SEC24A: variants seen among roughly 807,000 people sequenced by gnomAD.
SEC24A encodes the protein SEC24 homolog A, COPII component.
In SEC24A, 93 loss-of-function variants were observed where a neutral mutation model predicts 129.4. That is an observed-to-expected ratio of 0.72 (90% CI 0.61 to 0.85). The LOEUF is 0.85. Among genes scored for constraint, SEC24A ranks in the 40% least tolerant of loss-of-function variants. SEC24A has a pLI of 0.00. For missense variants in SEC24A, 1,264 were observed against 1,307.4 expected (o/e 0.97, Z 0.51); for synonymous variants, 460 against 467.3 (o/e 0.98, Z 0.20).
chr5:134,674,914 C>A, intron 5 of SEC24A, 131 bp from the exon 6 acceptor site: 1 of 1,128,322 alleles, frequency 8.9e-7, no homozygotes, highest in Non-Finnish European at 1.2e-6. Context: ...AAGCCTTTGT[C>A]TTTATACATT....
Position 134,697,142 on chromosome 5 carries a change from C to T in SEC24A, c.2003C>T (p.Pro668Leu), listed in dbSNP as rs755243043. 5.9e-6 allele frequency: 9 copies of T among 1,532,478 alleles called. 1 individual carries two copies. In the South Asian group the frequency reaches 7.1e-5, roughly 12 times the overall value. The allele number at this position is 1,532,478 out of a possible 1,614,324, so 94.9% of individuals were successfully genotyped here. A position where few individuals can be genotyped will look rare whatever the true frequency, so the allele number is the denominator to read the frequency against. The change falls in exon 14 of 23, where the codon CCA becomes CTA. Residue 668 changes from proline (P) to leucine (L), a missense_variant. Coordinates refer to ENST00000398844, the MANE Select transcript of SEC24A (RefSeq NM_021982.3). ...RSSAKDIHMT[P>L]STDFYKKLAL... The stretch of plus-strand genomic sequence containing the variant: ...TATAAATAGGATATACACATGACAC[C>T]ATCCACTGACTTCTATAAGAAATTA...
intron 18 of SEC24A, among the ~76,000 whole-genome samples, chr5:134,710,732 A>G (rs1752303814): frequency 6.6e-6 from 1 of 152,180 alleles, no homozygotes; most frequent in South Asian, 2.1e-4. Context: ...TTCCTCCCAG[A>G]AAAGAAGGAA....
intron 21 of SEC24A, among the ~76,000 whole-genome samples, chr5:134,722,743 A>C (rs1201742301): frequency 6.6e-6 from 1 of 152,206 alleles, no homozygotes; most frequent in African/African-American, 2.4e-5. Flanking sequence ...GTCAAGTTGC[A>C]CTGGCATCAC....
At chr5:134,723,187 C>T (rs1456588645) in intron 21 of SEC24A, among the ~76,000 whole-genome samples, 3 of 151,846 alleles carry the variant, frequency 2.0e-5, no homozygotes, top group Non-Finnish European at 4.4e-5. Context: ...AGAAGTAGAC[C>T]GGGCACTGTG....
At chr5:134,716,248 G>T (rs1328083261) in intron 19 of SEC24A, among the ~76,000 whole-genome samples, 9 of 151,786 alleles carry the variant, frequency 5.9e-5, no homozygotes, top group Non-Finnish European at 8.8e-5. Context: ...GGATCAGGAG[G>T]TCCAGAGTTC....
At chr5:134,648,763 G>C (rs1433256042), upstream of SEC24A, 1 of 213,576 alleles carries the variant, frequency 4.7e-6, no homozygotes, top group Admixed American at 5.9e-5. Context: ...GATTGCGGCT[G>C]CGCGGCCGGC....
At chr5:134,685,963 TG>T (rs1751436477) in intron 9 of SEC24A, among the ~76,000 whole-genome samples, 1 of 151,970 alleles carries the variant, frequency 6.6e-6, no homozygotes, top group East Asian at 1.9e-4. Flanking sequence ...CTCTCCAGCA[TG>T]GGGGACACAG....
At chr5:134,686,239 CT>C (rs796933781) in intron 9 of SEC24A, among the ~76,000 whole-genome samples, 217 of 144,390 alleles carry the variant, frequency 1.5e-3, no homozygotes, top group East Asian at 1.6e-3. Flanking sequence ...AGAATCCCTT[CT>C]TTTTTTTTTT....
In SEC24A at chr5:134,707,259, T is replaced by C. The variant is rs78517265; in HGVS notation, c.2552-1454T>C. On this transcript the variant is annotated intron_variant, in intron 17 of 22. Transcript: ENST00000398844. Reference sequence around the variant, plus strand: ...CCTGGTAAAGGATTTACCCACACTTTAGTCTTTTATGTTGTTAGATGTTCA... The same window carrying C: ...CCTGGTAAAGGATTTACCCACACTTCAGTCTTTTATGTTGTTAGATGTTCA... Among the ~76,000 whole-genome samples, 650 of 152,290 alleles carry C rather than the reference T, an allele frequency of 4.3e-3. 4 individuals are homozygous for C. The highest frequency in any genetic ancestry group is 0.015 in the African/African-American group (626 of 41,578).
At chr5:134,685,494 A>G (rs183561199) in intron 9 of SEC24A, among the ~76,000 whole-genome samples, 1 of 152,314 alleles carries the variant, frequency 6.6e-6, no homozygotes, top group East Asian at 1.9e-4. Context: ...GGATGTGCAT[A>G]GGTTATATGC....
At chr5:134,724,474 G>A (rs1480160360) in intron 22 of SEC24A, among the ~76,000 whole-genome samples, 1 of 152,044 alleles carries the variant, frequency 6.6e-6, no homozygotes, top group Admixed American at 6.6e-5. Flanking sequence ...TGTAATCCCA[G>A]CTACTCGGGA....
In SEC24A at chr5:134,714,974, G is replaced by A. The variant is rs755783939; in HGVS notation, c.2728-50G>A. On this transcript the variant is annotated intron_variant, in intron 18 of 22. Transcript: ENST00000398844. Reference sequence around the variant, plus strand: ...AACTGGCATTTTAAAAGTTCTGGATGTATTTTTAAAATATATTCTTTTGTG... The same window carrying A: ...AACTGGCATTTTAAAAGTTCTGGATATATTTTTAAAATATATTCTTTTGTG... 4 of 1,555,692 alleles carry A rather than the reference G, an allele frequency of 2.6e-6. No individual in the cohort carries two copies. The South Asian group carries it at 3.5e-5, about 14-fold the overall frequency.
intron 7 of SEC24A, among the ~76,000 whole-genome samples, chr5:134,679,337 T>C: frequency 6.6e-6 from 1 of 152,126 alleles, no homozygotes; most frequent in East Asian, 1.9e-4. Flanking sequence ...GAGTTACACA[T>C]GTGAGCCACT....
rs146734897 is a variant in SEC24A, at chr5:134,681,429, AC to A, written c.1382-943del. On this transcript the variant is annotated intron_variant, in intron 8 of 22. Transcript: ENST00000398844. ...CAAACAAATAAAACAAAACAAAAAA[AC>A]AGTTTTATTGTTTGTGTGTGTGTGT... Among the ~76,000 whole-genome samples the A allele has an allele frequency of 9.7e-3, 1,404 of 145,376 alleles. 7 individuals carry two copies. The highest frequency in any genetic ancestry group is 0.047 in the East Asian group (237 of 5,030).
Position 134,697,184 on chromosome 5 carries a change from G to A in SEC24A, c.2045G>A (p.Gly682Asp). 1 of 1,603,516 alleles carries A rather than the reference G, an allele frequency of 6.2e-7. No individual in the cohort carries two copies. The highest frequency in any genetic ancestry group is 1.1e-5 in the South Asian group (1 of 90,302). The part of the protein sequence containing the change: ...FYKKLALDCS[G>D]QQVAVDLFLL... ...AAGAAATTAGCCTTGGACTGTTCTGGTCAGCAAGTTGCTGTTGACTTATTC... is the reference window on the plus strand; with the variant it reads ...AAGAAATTAGCCTTGGACTGTTCTGATCAGCAAGTTGCTGTTGACTTATTC... The change falls in exon 14 of 23, where the codon GGT (glycine) becomes GAT (aspartate). Residue 682 changes from glycine to aspartate, a missense_variant. Coordinates refer to ENST00000398844, the MANE Select transcript of SEC24A (RefSeq NM_021982.3).
At chr5:134,700,807 C>T (rs1751983476) in intron 15 of SEC24A, among the ~76,000 whole-genome samples, 1 of 151,864 alleles carries the variant, frequency 6.6e-6, no homozygotes, top group Admixed American at 6.6e-5. Context: ...CAAGCTCCGC[C>T]TCCTGGGTTC....
chr5:134,680,445 G>T (rs1303488094), intron 8 of SEC24A, among the ~76,000 whole-genome samples: 1 of 152,092 alleles, frequency 6.6e-6, no homozygotes, highest in Non-Finnish European at 1.5e-5. Flanking sequence ...CGATTCTCCT[G>T]CCTCAGCCTC....
rs1240794576 is a variant in SEC24A at position 134,718,107 on chromosome 5, C to T, written c.2904C>T (p.Pro968=). 1 of 1,614,056 alleles carries T rather than the reference C, an allele frequency of 6.2e-7. No individual in the cohort carries two copies. The highest frequency in any genetic ancestry group is 8.5e-7 in the Non-Finnish European group (1 of 1,179,984). The change falls in exon 20 of 23, where the codon CCC becomes CCT. Residue 968 remains proline, a synonymous_variant. Transcript: ENST00000398844. The part of the protein sequence containing the change: ...LNISDRTIPQ[P]PILQLSVEKL... ...TCAGTGATAGAACCATACCTCAGCC[C>T]CCCATTCTTCAGCTTTCAGTGGAGA...
chr5:134,666,024 G>A (rs1750647698), intron 2 of SEC24A, among the ~76,000 whole-genome samples: 1 of 152,218 alleles, frequency 6.6e-6, no homozygotes, highest in African/African-American at 2.4e-5. Context: ...AGTGGCTCAC[G>A]CCTGTAATCC....
Sources: allele counts gnomAD v4.1 joint callset (sites outside exome capture counted in the v4.1 genomes callset), GRCh38; gene constraint gnomAD v4.1.1; transcripts MANE v1.5; gene names NCBI Gene and HGNC (gene_info 2026-07-23, HGNC 2026-07-21).